RBFOX1: variants seen among roughly 807,000 people sequenced by gnomAD.
The protein encoded by RBFOX1 is RNA binding protein fox-1 homolog 1.
RBFOX1 carries 8 observed loss-of-function variants against 57.7 expected under a neutral mutation model. That is an observed-to-expected ratio of 0.14 (90% CI 0.08 to 0.25). The LOEUF is 0.25. RBFOX1 is among the 10% of genes least tolerant of loss of function. RBFOX1 has a pLI of 1.00. For missense variants in RBFOX1, 611 were observed against 548.5 expected, an observed-to-expected ratio of 1.11 and a Z score of -1.14; for synonymous variants, 326 against 222.4, an observed-to-expected ratio of 1.47 and a Z score of -4.15.
intron 3 of RBFOX1, among the ~76,000 whole-genome samples, chr16:5,619,560 A>C (rs1447297258): frequency 6.6e-6 from 1 of 152,194 alleles, no homozygotes. Flanking sequence ...AAATCTCGCC[A>C]GACTGCCTCC....
intron 4 of RBFOX1, among the ~76,000 whole-genome samples, chr16:5,872,009 A>G (rs1269245713): frequency 6.6e-6 from 1 of 152,164 alleles, no homozygotes; most frequent in Non-Finnish European, 1.5e-5. Flanking sequence ...TTTCCTTCCA[A>G]AAGGAAACTT....
chr16:7,357,425 A>G (rs1306266247), intron 4 of RBFOX1, among the ~76,000 whole-genome samples: 9 of 152,176 alleles, frequency 5.9e-5, no homozygotes, highest in Admixed American at 4.6e-4. Context: ...GGTGAGGTGC[A>G]TGAATTGCAG....
chr16:7,224,142 A>AG lies in RBFOX1; in HGVS notation c.27+172044_27+172045insG, dbSNP rs1314166181. Among the ~76,000 whole-genome samples, 4 of 149,132 alleles carry AG rather than the reference A, an allele frequency of 2.7e-5. No homozygotes were observed. In the South Asian group the frequency reaches 8.6e-4, roughly 32 times the overall value. ...TTCCTTTTTCTAAAAAAAAAAAAAA[A>AG]AAAAAAAAAAAAAAGGCTCAGTTGA... is the stretch of plus-strand genomic sequence containing the variant. On this transcript the variant is annotated intron_variant, in intron 4 of 15. Transcript: ENST00000550418.
In RBFOX1 at chr16:5,897,273, G is replaced by A. The variant is rs143381497; in HGVS notation, c.351+29938G>A. On this transcript the variant is annotated intron_variant, in intron 4 of 19. Coordinates refer to the RBFOX1 transcript ENST00000641259. ...GATGGTCTCGATCTCCTGACCTCAT[G>A]ATCCACCCGCCTCGGCCTCCCAAAG... Among the ~76,000 whole-genome samples the A allele has an allele frequency of 9.0e-3, 1,360 of 151,920 alleles. 11 individuals carry two copies. The highest frequency in any genetic ancestry group is 0.014 in the Non-Finnish European group (975 of 67,960).
intron 3 of RBFOX1, among the ~76,000 whole-genome samples, chr16:5,717,870 AT>A (rs2051775320): frequency 6.6e-6 from 1 of 152,210 alleles, no homozygotes; most frequent in South Asian, 2.1e-4. Flanking sequence ...CTGTTTACAG[AT>A]GAGAAATTGC....
rs115298400 is a variant in RBFOX1, at chr16:6,827,498, G to A, written c.-16+172848G>A. 2.7e-3 allele frequency among the ~76,000 whole-genome samples: 418 copies of A among 152,250 alleles called. 3 individuals are homozygous for A. Among genetic ancestry groups the A allele is most frequent in the African/African-American group, 9.8e-3 (407 of 41,534 alleles). On this transcript the variant is annotated intron_variant, in intron 3 of 15. Transcript: ENST00000550418. ...CCTGAGGGTTATTCATCACACTTCA[G>A]CAGGGTGATGTTTTCAAAGCCTGAG...
intron 1 of RBFOX1, among the ~76,000 whole-genome samples, chr16:6,281,376 G>C (rs2076362885): frequency 6.6e-6 from 1 of 152,012 alleles, no homozygotes; most frequent in Non-Finnish European, 1.5e-5. Context: ...TAGAAGTAGG[G>C]GACAGCCAGG....
intron 7 of RBFOX1, among the ~76,000 whole-genome samples, chr16:7,594,961 T>TA (rs1183055000): frequency 2.0e-5 from 3 of 152,194 alleles, no homozygotes; most frequent in Non-Finnish European, 2.9e-5. Context: ...AGATTTATTA[T>TA]AAAAAAGGTC....
At chr16:5,575,822 G>C (rs1473296565) in intron 2 of RBFOX1, among the ~76,000 whole-genome samples, 2 of 148,012 alleles carry the variant, frequency 1.4e-5, no homozygotes, top group Non-Finnish European at 3.0e-5. Context: ...AGAGAATCTG[G>C]TGCCAGGACA....
chr16:6,306,299 C>G (rs1292004392), intron 1 of RBFOX1, among the ~76,000 whole-genome samples: 2 of 152,162 alleles, frequency 1.3e-5, no homozygotes, highest in African/African-American at 2.4e-5. Flanking sequence ...AGAGTTGAAT[C>G]ATGGATGGAA....
chr16:6,100,523 C>T (rs1050831065), intron 1 of RBFOX1, among the ~76,000 whole-genome samples: 23 of 152,206 alleles, frequency 1.5e-4, no homozygotes, highest in Admixed American at 2.6e-4. Flanking sequence ...ACACACTAAA[C>T]ACAAACCTTG....
intron 3 of RBFOX1, among the ~76,000 whole-genome samples, chr16:5,665,142 G>GC (rs2049796080): frequency 2.2e-5 from 2 of 92,264 alleles, no homozygotes; most frequent in African/African-American, 6.4e-5. Flanking sequence ...GGGGGGGGGC[G>GC]GTCTTGCTAT....
intron 2 of RBFOX1, among the ~76,000 whole-genome samples, chr16:6,617,090 C>A (rs1052713140): frequency 3.9e-5 from 6 of 152,010 alleles, no homozygotes; most frequent in Non-Finnish European, 7.4e-5. Flanking sequence ...CGTAGAGGTG[C>A]TTTGGCCCAC....
At chr16:6,843,605 C>T (rs1305554658) in intron 3 of RBFOX1, among the ~76,000 whole-genome samples, 1 of 152,164 alleles carries the variant, frequency 6.6e-6, no homozygotes, top group Non-Finnish European at 1.5e-5. Context: ...AGGAGAATGG[C>T]ATGAACCCAG....
intron 2 of RBFOX1, chr16:6,483,714 T>C: frequency 7.3e-7 from 1 of 1,378,582 alleles, no homozygotes; most frequent in African/African-American, 1.5e-5. Flanking sequence ...GGGGGAGGAG[T>C]GTGCAAATTG....
intron 4 of RBFOX1, among the ~76,000 whole-genome samples, chr16:7,057,869 A>T (rs780072703): frequency 3.3e-5 from 5 of 151,960 alleles, no homozygotes; most frequent in Non-Finnish European, 7.4e-5. Context: ...TTAGCCAGGC[A>T]TGGTGGCGGG....
chr16:6,202,653 G>A (rs926372742), intron 1 of RBFOX1, among the ~76,000 whole-genome samples: 8 of 152,122 alleles, frequency 5.3e-5, no homozygotes, highest in African/African-American at 1.9e-4. Flanking sequence ...AACGTATACA[G>A]CTTGATAAAT....
At position 6,695,306 on chromosome 16, in the gene RBFOX1, C is replaced by G. The variant is rs546456127; in HGVS notation, c.-16+40656C>G. 3.8e-4 allele frequency among the ~76,000 whole-genome samples: 57 copies of G among 149,838 alleles called. 2 individuals carry two copies. In the South Asian group the frequency reaches 0.011, roughly 29 times the overall value. ...TGGTGGTGAGTGCCTGTAATAGGTACTCAGGAGGCTGAGGCAGGAGAATCG... is the reference window on the plus strand; with the variant it reads ...TGGTGGTGAGTGCCTGTAATAGGTAGTCAGGAGGCTGAGGCAGGAGAATCG... On this transcript the variant is annotated intron_variant, in intron 3 of 15. Transcript: ENST00000550418.
chr16:5,800,697 C>T (rs2055028463), intron 3 of RBFOX1, among the ~76,000 whole-genome samples: 1 of 152,136 alleles, frequency 6.6e-6, no homozygotes, highest in Non-Finnish European at 1.5e-5. Flanking sequence ...AGTGTTGTCC[C>T]TGCAGTCATT....
Sources: allele counts gnomAD v4.1 joint callset (sites outside exome capture counted in the v4.1 genomes callset), GRCh38; gene constraint gnomAD v4.1.1; transcripts MANE v1.5; gene names NCBI Gene and HGNC (gene_info 2026-07-23, HGNC 2026-07-21).